Variants in EYA4 observed in about 807,000 individuals in gnomAD.
The protein encoded by EYA4 is EYA transcriptional coactivator and phosphatase 4.
Under a neutral mutation model 87.9 loss-of-function variants are expected in EYA4, and 31 were observed. The observed-to-expected ratio is 0.35, with a 90% CI of 0.27 to 0.48. The LOEUF is 0.48. Among genes scored for constraint, EYA4 ranks in the 20% least tolerant of loss-of-function variants. The pLI is 0.99. For synonymous variants in EYA4, 263 were observed against 270.6 expected, an observed-to-expected ratio of 0.97 and a Z score of 0.28; for missense variants, 678 against 761.4, an observed-to-expected ratio of 0.89 and a Z score of 1.29.
intron 14 of EYA4, 110 bp downstream of exon 14, chr6:133,506,305 G>A: frequency 4.5e-6 from 3 of 671,030 alleles, no homozygotes; most frequent in Non-Finnish European, 7.9e-6. Context: ...TTCAGCTCAA[G>A]AGAAGCATAA....
intron 2 of EYA4, among the ~76,000 whole-genome samples, chr6:133,293,951 A>G (rs1582872068): frequency 1.6e-5 from 2 of 126,980 alleles, no homozygotes; most frequent in South Asian, 2.6e-4. Flanking sequence ...TTTTATATAT[A>G]TAAATATAGA....
chr6:133,440,369 T>G (rs1405079752), intron 3 of EYA4, among the ~76,000 whole-genome samples: 1 of 152,202 alleles, frequency 6.6e-6, no homozygotes, highest in African/African-American at 2.4e-5. Flanking sequence ...ATTTGCATCT[T>G]TAATAGGAAG....
chr6:133,317,542 ATATT>A (rs1433862305), intron 2 of EYA4, among the ~76,000 whole-genome samples: 8 of 152,216 alleles, frequency 5.3e-5, no homozygotes, highest in Non-Finnish European at 1.0e-4. Context: ...TTCTAAGTTA[ATATT>A]TATTCTTGTT....
chr6:133,479,752 G>T (rs910832050), intron 11 of EYA4, among the ~76,000 whole-genome samples: 3 of 152,048 alleles, frequency 2.0e-5, no homozygotes, highest in Non-Finnish European at 4.4e-5. Flanking sequence ...CCAGAAAGCT[G>T]CCATGAAACT....
chr6:133,525,149 T>A lies in EYA4; in HGVS notation c.1739-5T>A. 6.2e-7 allele frequency: 1 copy of A among 1,613,684 alleles called. No individual in the cohort carries two copies. On this transcript the variant is annotated splice_region_variant and splice_polypyrimidine_tract_variant and intron_variant, in intron 18 of 19. Transcript: ENST00000355286. ...ACTCTGAACTTTATCTCATTTATCT[T>A]CCAGGAAAAGAAAGTTGCTTTGAAC...
intron 5 of EYA4, among the ~76,000 whole-genome samples, chr6:133,450,527 G>A (rs1206045444): frequency 6.6e-6 from 1 of 152,124 alleles, no homozygotes; most frequent in Non-Finnish European, 1.5e-5. Flanking sequence ...TATTTAAGAT[G>A]GAGTCTCACT....
Position 133,462,449 on chromosome 6 carries a change from A to G in EYA4, c.552A>G (p.Thr184=), listed in dbSNP as rs759974412. Reference sequence around the variant, plus strand: ...CCGTCTACACAGCCTACTCACAGACAGGACAGCCCTACAGCTTGCCCACTT... The same window carrying G: ...CCGTCTACACAGCCTACTCACAGACGGGACAGCCCTACAGCTTGCCCACTT... ...QPAVYTAYSQ[T]GQPYSLPTYD... is the part of the protein sequence containing the mutation. The change falls in exon 8 of 20, where the codon ACA becomes ACG. Residue 184 remains threonine, a synonymous_variant. Coordinates refer to ENST00000355286, the MANE Select transcript of EYA4 (RefSeq NM_004100.5). The G allele has an allele frequency of 6.2e-6, 10 of 1,613,972 alleles. No individual in the cohort carries two copies. The Admixed American group carries it at 1.3e-4, about 22-fold the overall frequency.
At chr6:133,398,717 G>C (rs1788010361) in intron 3 of EYA4, among the ~76,000 whole-genome samples, 2 of 152,102 alleles carry the variant, frequency 1.3e-5, no homozygotes, top group Non-Finnish European at 2.9e-5. Context: ...CTAAGAATGT[G>C]GACCTTTTCT....
intron 13 of EYA4, among the ~76,000 whole-genome samples, chr6:133,484,286 C>G (rs892078324): frequency 6.6e-6 from 1 of 152,168 alleles, no homozygotes; most frequent in Admixed American, 6.5e-5. Flanking sequence ...CTTCCTATGT[C>G]TTCATAGCAT....
chr6:133,508,106 C>T (rs1376652692), intron 14 of EYA4, among the ~76,000 whole-genome samples: 3 of 152,012 alleles, frequency 2.0e-5, no homozygotes, highest in Admixed American at 1.3e-4. Context: ...AATGTGTGTG[C>T]TGAAATCTGT....
chr6:133,342,606 A>ATATATATATATATAT (rs1554230276), intron 2 of EYA4, among the ~76,000 whole-genome samples: 83 of 53,926 alleles, frequency 1.5e-3, no homozygotes, highest in African/African-American at 5.0e-3. Context: ...TATATATATA[A>ATATATATATATATAT]TTCTTTATAT....
intron 16 of EYA4, among the ~76,000 whole-genome samples, chr6:133,514,205 G>A (rs1403863870): frequency 6.6e-6 from 1 of 152,200 alleles, no homozygotes; most frequent in African/African-American, 2.4e-5. Context: ...TGCATGGGGT[G>A]CTGGGGAGAA....
At chr6:133,438,214 A>T (rs1361842229) in intron 3 of EYA4, among the ~76,000 whole-genome samples, 1 of 152,140 alleles carries the variant, frequency 6.6e-6, no homozygotes, top group East Asian at 1.9e-4. Context: ...GAATTCAAGC[A>T]TAAGTAACTA....
At chr6:133,500,326 T>A (rs559717111) in intron 13 of EYA4, among the ~76,000 whole-genome samples, 1 of 152,210 alleles carries the variant, frequency 6.6e-6, no homozygotes, top group African/African-American at 2.4e-5. Flanking sequence ...GTCTTATATG[T>A]CATCCTCCCA....
rs1214597557 is a variant in EYA4 at position 133,468,110 on chromosome 6, C to CA, written c.805-451dup. ...TTATCAGTGGTAGCCCAGAAAGGAA[C>CA]AAAAATCACAAAAATGCAGACTGAG... is the stretch of plus-strand genomic sequence containing the variant. On this transcript the variant is annotated intron_variant, in intron 10 of 19. Transcript: ENST00000355286. Among the ~76,000 whole-genome samples the CA allele has an allele frequency of 2.0e-5, 3 of 151,974 alleles. No individual in the cohort carries two copies. The East Asian group carries it at 5.8e-4, about 29-fold the overall frequency.
At chr6:133,263,435 A>G (rs1316789811) in intron 1 of EYA4, among the ~76,000 whole-genome samples, 1 of 152,066 alleles carries the variant, frequency 6.6e-6, no homozygotes, top group Non-Finnish European at 1.5e-5. Context: ...GTCTTTCCCT[A>G]CAGACCAGCT....
chr6:133,357,679 C>T (rs183186787), intron 2 of EYA4, among the ~76,000 whole-genome samples: 2 of 152,040 alleles, frequency 1.3e-5, no homozygotes, highest in Non-Finnish European at 2.9e-5. Flanking sequence ...TATCCAGAAA[C>T]AGCTGTCTTA....
rs117493596 is a variant in EYA4 at position 133,427,406 on chromosome 6, A to G, written c.84-19224A>G. Among the ~76,000 whole-genome samples the G allele has an allele frequency of 1.4e-4, 22 of 152,342 alleles. No homozygotes were observed. The East Asian group carries it at 3.5e-3, about 24-fold the overall frequency. On this transcript the variant is annotated intron_variant, in intron 3 of 19. Coordinates refer to ENST00000355286, the MANE Select transcript of EYA4 (RefSeq NM_004100.5). ...ATTGAAATTAACTCAACATAGTTCT[A>G]TTACAGAAGTGGATAAATGGAGCAT...
intron 1 of EYA4, among the ~76,000 whole-genome samples, chr6:133,262,937 G>A (rs569049476): frequency 2.6e-5 from 4 of 152,250 alleles, no homozygotes; most frequent in East Asian, 1.9e-4. Flanking sequence ...CGGCCAGGGA[G>A]GAGAGTCATG....
Sources: allele counts gnomAD v4.1 joint callset (sites outside exome capture counted in the v4.1 genomes callset), GRCh38; gene constraint gnomAD v4.1.1; transcripts MANE v1.5; gene names NCBI Gene and HGNC (gene_info 2026-07-23, HGNC 2026-07-21).